Variants in ASPDH observed in about 807,000 individuals in gnomAD.
ASPDH encodes aspartate dehydrogenase domain containing, also known as aspartate dehydrogenase domain-containing protein.
A neutral mutation model predicts 30.5 loss-of-function variants in ASPDH; 25 were observed. The observed-to-expected ratio is 0.82, with a 90% CI of 0.60 to 1.14. The LOEUF is 1.14. Among genes scored for constraint, ASPDH ranks in the 50% most tolerant of loss-of-function variants. The probability of loss-of-function intolerance (pLI) is 0.00; values close to 1 mark genes in which losing one functional copy is unlikely to be tolerated. For synonymous variants in ASPDH, 168 were observed against 156.3 expected (o/e 1.07, Z -0.56); for missense variants, 401 against 381.5 (o/e 1.05, Z -0.43).
upstream of ASPDH, chr19:50,514,658 C>T (rs908247817): frequency 3.2e-6 from 5 of 1,565,408 alleles, no homozygotes. Context: ...CTTGAGGGTG[C>T]CTGGCATCGG....
Position 50,513,430 on chromosome 19 carries a change from A to G in ASPDH, c.53-14T>C. On this transcript the variant is annotated splice_polypyrimidine_tract_variant and intron_variant, in intron 1 of 6. Transcript: ENST00000389208. The surrounding 1 kb of genome is among the most constrained non-coding windows in gnomAD (Gnocchi z 4.9). ...CGAGGGACTGTCCTGGGGAGAGGGA[A>G]AGGAGAGGGCTAGAGATCCAGAGAG... 1 of 1,473,594 alleles carries G rather than the reference A, an allele frequency of 6.8e-7. No individual in the cohort carries two copies. Among genetic ancestry groups the G allele is most frequent in the Non-Finnish European group, 9.0e-7 (1 of 1,110,962 alleles). 91.3% of individuals were successfully genotyped at this position (1,473,594 alleles called of 1,614,324 possible). A position where few individuals can be genotyped will look rare whatever the true frequency, so the allele number is the denominator to read the frequency against.
At chr19:50,514,464 A>G, upstream of ASPDH, 1 of 1,613,944 alleles carries the variant, frequency 6.2e-7, no homozygotes. Flanking sequence ...CGCTCTGATC[A>G]TCCTTCAGTT....
At chr19:50,514,635 C>T, upstream of ASPDH, 1 of 1,596,356 alleles carries the variant, frequency 6.3e-7, no homozygotes, top group Non-Finnish European at 8.5e-7. Flanking sequence ...AACATGAGCC[C>T]CAGCCTCTGT....
chr19:50,511,794 G>A (rs1979901333), intron 6 of ASPDH, 21 bp from the exon 7 acceptor site: 1 of 1,318,322 alleles, frequency 7.6e-7, no homozygotes, highest in Admixed American at 3.7e-5. Flanking sequence ...AGGGGAATGA[G>A]CGAATGAGAC....
chr19:50,513,335 C>T lies in ASPDH; in HGVS notation c.134G>A (p.Gly45Glu), dbSNP rs1392295323. The T allele has an allele frequency of 6.5e-7, 1 of 1,540,562 alleles. No homozygotes were observed. The highest frequency in any genetic ancestry group is 8.8e-7 in the Non-Finnish European group (1 of 1,142,302). The change falls in exon 2 of 7, where the codon GGA (glycine) becomes GAA (glutamate). Residue 45 changes from glycine (G) to glutamate (E), a missense_variant. By Grantham distance (98) the Gly-to-Glu change is moderately conservative. Coordinates refer to ENST00000389208, the MANE Select transcript of ASPDH (RefSeq NM_001114598.2). This position sits in a 1 kb window ranked among gnomAD's most constrained non-coding sequence, Gnocchi z 4.9. ...AGGGGGCACGCTCCCTGCCATTCGTCCTGGGTCACGATTCCAGACAAAAAC... is the reference window on the plus strand; with the variant it reads ...AGGGGGCACGCTCCCTGCCATTCGTTCTGGGTCACGATTCCAGACAAAAAC... ...ELVFVWNRDP[G>E]RMAGSVPPSL...
upstream of ASPDH, chr19:50,514,691 G>T (rs897880947): frequency 3.3e-6 from 5 of 1,495,586 alleles, no homozygotes; most frequent in African/African-American, 6.9e-5. Context: ...CTGCGGCAGC[G>T]CAGGCTCCCT....
In ASPDH at chr19:50,512,229, T is replaced by C; in HGVS notation, c.715A>G (p.Ser239Gly). The C allele has an allele frequency of 6.2e-7, 1 of 1,612,042 alleles. No homozygotes were observed. Among genetic ancestry groups the C allele is most frequent in the Non-Finnish European group, 8.5e-7 (1 of 1,179,608 alleles). The change falls in exon 6 of 7, where the codon AGC becomes GGC. Residue 239 changes from serine (S) to glycine (G), a missense_variant. By Grantham distance (56) the Ser-to-Gly change is moderately conservative. Transcript: ENST00000389208. ...LSGPRGPTGR[S>G]FAVHTRRENP... ...TCTCTGCGGGTGTGCACAGCAAAGC[T>C]TCGGCCCGTGGGGCCCCGGGGTCCG... is the stretch of plus-strand genomic sequence containing the variant.
upstream of ASPDH, chr19:50,514,748 C>T (rs1980157638): frequency 7.9e-7 from 1 of 1,269,810 alleles, no homozygotes; most frequent in African/African-American, 1.6e-5. Flanking sequence ...CCATGGCAAC[C>T]AGGATTGGCG....
At chr19:50,514,850 G>A (rs1980166002), upstream of ASPDH, 1 of 985,410 alleles carries the variant, frequency 1.0e-6, no homozygotes, top group South Asian at 4.7e-5. Flanking sequence ...GTTGACGGGA[G>A]GAGAGAGGAG....
chr19:50,514,196 G>A (rs890164260), upstream of ASPDH, among the ~76,000 whole-genome samples: 1 of 152,166 alleles, frequency 6.6e-6, no homozygotes, highest in African/African-American at 2.4e-5. Flanking sequence ...CTTGCTTTGG[G>A]TTGGGAGAAG....
upstream of ASPDH, chr19:50,515,021 G>C (rs1980175805): frequency 1.0e-6 from 1 of 985,246 alleles, no homozygotes; most frequent in South Asian, 4.7e-5. Context: ...CAGGGGCCAG[G>C]CACCTCACGG....
chr19:50,511,718 G>A lies in ASPDH; in HGVS notation c.*12C>T, dbSNP rs1979892247. 1.5e-6 allele frequency: 2 copies of A among 1,303,684 alleles called. No individual in the cohort carries two copies. The highest frequency in any genetic ancestry group is 2.0e-6 in the Non-Finnish European group (2 of 1,019,378). 80.8% of individuals were successfully genotyped at this position (1,303,684 alleles called of 1,614,324 possible). ...CAGGCAGATGATCTTGTCTCGGGAG[G>A]GAGGAGGCTTCTCAGCAGAGATGGA... On this transcript the variant is annotated 3_prime_UTR_variant, in exon 7 of 7. Coordinates refer to ENST00000389208, the MANE Select transcript of ASPDH (RefSeq NM_001114598.2).
upstream of ASPDH, chr19:50,514,806 G>C (rs577358541): frequency 1.4e-5 from 18 of 1,247,060 alleles, 1 homozygote; most frequent in Admixed American, 3.4e-4. Context: ...AGCATGGGGT[G>C]GGGGGGGCGG....
rs1601359555 is a variant in ASPDH, at chr19:50,512,925, A to C, written c.282+2T>G. The C allele has an allele frequency of 6.2e-7, 1 of 1,612,594 alleles. No individual in the cohort carries two copies. The highest frequency in any genetic ancestry group is 2.2e-5 in the East Asian group (1 of 44,874). ...TGCGTAAATGGTTGGGGTGGGGCTTACCAGGAGATTGGCATGGCGCAGGAT... is the reference window on the plus strand; with the variant it reads ...TGCGTAAATGGTTGGGGTGGGGCTTCCCAGGAGATTGGCATGGCGCAGGAT... On this transcript the variant is annotated splice_donor_variant, in intron 3 of 6. Transcript: ENST00000389208. LOFTEE classifies it high-confidence loss of function.
rs770462833 is a variant in ASPDH at position 50,512,154 on chromosome 19, A to G, written c.790T>C (p.Phe264Leu). The G allele has an allele frequency of 1.9e-6, 3 of 1,571,736 alleles. No homozygotes were observed. The South Asian group carries it at 3.4e-5, about 18-fold the overall frequency. ...GCCGCACCCAGGAGGCTCTGCCAGA[A>G]GGCCGTGACGGTGGCGGAGCCGGTG... is the stretch of plus-strand genomic sequence containing the variant. Reference protein sequence around the residue: ...AVTGSATVTAFWQSLLACCQL... With the variant: ...AVTGSATVTALWQSLLACCQL... The change falls in exon 6 of 7, where the codon TTC (phenylalanine) becomes CTC (leucine). Residue 264 changes from phenylalanine (F) to leucine (L), a missense_variant. Coordinates refer to ENST00000389208, the MANE Select transcript of ASPDH (RefSeq NM_001114598.2).
chr19:50,511,932 A>C, intron 6 of ASPDH, 159 bp from the exon 7 acceptor site: 1 of 361,468 alleles, frequency 2.8e-6, no homozygotes, highest in Non-Finnish European at 4.3e-6. Context: ...AGACAGAGAG[A>C]GTCTCGATCA....
At chr19:50,511,954 A>AGAGACTCAGGGGACGCGGACACG in intron 6 of ASPDH, 181 bp from the exon 7 acceptor site, 1 of 712,286 alleles carries the variant, frequency 1.4e-6, no homozygotes, top group South Asian at 2.0e-5. Context: ...AGGCGGGCAC[A>AGAGACTCAGGGGACGCGGACACG]AATGGAGACA....
rs951918243 is a variant in ASPDH at position 50,512,395 on chromosome 19, G to A, written c.618C>T (p.Phe206=). ...AAALAAPSLG[F]DGVIGVLVAD... Reference sequence around the variant, plus strand: ...CCACGAGCACCCCAATCACCCCATCGAAGCCCAGGCTGGGGGCAGCCAGGG... The same window carrying A: ...CCACGAGCACCCCAATCACCCCATCAAAGCCCAGGCTGGGGGCAGCCAGGG... Residue 206 remains phenylalanine (F), a synonymous_variant, in exon 5 of 7, where the codon TTC becomes TTT. Coordinates refer to ENST00000389208, the MANE Select transcript of ASPDH (RefSeq NM_001114598.2). The A allele has an allele frequency of 6.2e-7, 1 of 1,613,636 alleles. No individual in the cohort carries two copies. Among genetic ancestry groups the A allele is most frequent in the Non-Finnish European group, 8.5e-7 (1 of 1,179,926 alleles).
chr19:50,514,080 C>T (rs1980122490), upstream of ASPDH, among the ~76,000 whole-genome samples: 1 of 152,150 alleles, frequency 6.6e-6, no homozygotes, highest in South Asian at 2.1e-4. Context: ...CCTGCGTGCC[C>T]CCCTTTCCCC....
Sources: allele counts gnomAD v4.1 joint callset (sites outside exome capture counted in the v4.1 genomes callset), GRCh38; gene constraint gnomAD v4.1.1; non-coding constraint Gnocchi (gnomAD v3.1); transcripts MANE v1.5; gene names NCBI Gene and HGNC (gene_info 2026-07-23, HGNC 2026-07-21).